RBFOX1: variants seen among roughly 807,000 people sequenced by gnomAD.
RBFOX1 encodes the protein RNA binding fox-1 homolog 1, also known as RNA binding protein fox-1 homolog 1.
RBFOX1 carries 8 observed loss-of-function variants against 57.7 expected under a neutral mutation model. The ratio of observed to expected loss-of-function variants is 0.14; its 90% CI spans 0.08 to 0.25. RBFOX1 has a LOEUF of 0.25. RBFOX1 is among the 10% of genes least tolerant of loss of function. RBFOX1 has a pLI of 1.00. For synonymous variants in RBFOX1, 326 were observed against 222.4 expected, an observed-to-expected ratio of 1.47 and a Z score of -4.15; for missense variants, 611 against 548.5, an observed-to-expected ratio of 1.11 and a Z score of -1.14.
intron 2 of RBFOX1, among the ~76,000 whole-genome samples, chr16:6,376,640 C>T (rs1191228415): frequency 6.6e-6 from 1 of 152,300 alleles, no homozygotes; most frequent in East Asian, 1.9e-4. Flanking sequence ...GTGAAACCAG[C>T]AGTCCTTGGT....
At chr16:6,599,722 C>T (rs1192940691) in intron 2 of RBFOX1, among the ~76,000 whole-genome samples, 1 of 152,302 alleles carries the variant, frequency 6.6e-6, no homozygotes, top group African/African-American at 2.4e-5. Flanking sequence ...CTCTGTTTCC[C>T]ATCCCAGTGC....
At chr16:6,731,049 A>G (rs1467067678) in intron 3 of RBFOX1, among the ~76,000 whole-genome samples, 1 of 152,198 alleles carries the variant, frequency 6.6e-6, no homozygotes, top group Non-Finnish European at 1.5e-5. Flanking sequence ...ATCAGAAGCC[A>G]GATTATAAAT....
At chr16:5,380,623 T>C (rs187465038) in intron 1 of RBFOX1, among the ~76,000 whole-genome samples, 1 of 152,174 alleles carries the variant, frequency 6.6e-6, no homozygotes, top group Non-Finnish European at 1.5e-5. Context: ...GAGCTAAGCA[T>C]TTTTTAGGCA....
rs1256816855 is a variant in RBFOX1 at position 5,790,753 on chromosome 16, T to C, written c.319-76550T>C. ...AATGCCTGGTGCTGGGTGCGTGCTC[T>C]GCATCACTTCGTCTTCCTCATTTGG... On this transcript the variant is annotated intron_variant, in intron 3 of 19. Transcript: ENST00000641259. Among the ~76,000 whole-genome samples, 6 of 152,198 alleles carry C rather than the reference T, an allele frequency of 3.9e-5. No individual in the cohort carries two copies. In the East Asian group the frequency reaches 1.2e-3, roughly 29 times the overall value.
chr16:7,060,988 T>C (rs1351962225), intron 4 of RBFOX1, among the ~76,000 whole-genome samples: 3 of 151,998 alleles, frequency 2.0e-5, no homozygotes, highest in Non-Finnish European at 4.4e-5. Context: ...AGGCCTGAGA[T>C]CTTCATGGTT....
At chr16:6,183,761 G>GT (rs1209644200) in intron 1 of RBFOX1, among the ~76,000 whole-genome samples, 1 of 151,950 alleles carries the variant, frequency 6.6e-6, no homozygotes, top group African/African-American at 2.4e-5. Flanking sequence ...GGAGCCTGGG[G>GT]TAGGGGAGAA....
chr16:5,536,752 G>A (rs1026878586), intron 2 of RBFOX1, among the ~76,000 whole-genome samples: 2 of 151,932 alleles, frequency 1.3e-5, no homozygotes, highest in African/African-American at 4.8e-5. Flanking sequence ...GTGGTTGAAT[G>A]AGGGATGTAA....
At chr16:6,958,395 TC>T (rs542566154) in intron 3 of RBFOX1, among the ~76,000 whole-genome samples, 2 of 151,954 alleles carry the variant, frequency 1.3e-5, no homozygotes, top group South Asian at 2.1e-4. Context: ...TCAGCATATT[TC>T]CCCCCCTTTT....
At chr16:7,200,567 T>G (rs2088097490) in intron 4 of RBFOX1, among the ~76,000 whole-genome samples, 1 of 152,162 alleles carries the variant, frequency 6.6e-6, no homozygotes, top group South Asian at 2.1e-4. Context: ...AGGAAAAACA[T>G]TCAAGAAGGA....
chr16:5,645,911 C>T (rs1179401619), intron 3 of RBFOX1, among the ~76,000 whole-genome samples: 1 of 152,246 alleles, frequency 6.6e-6, no homozygotes, highest in African/African-American at 2.4e-5. Flanking sequence ...TCATAGCTCA[C>T]TGCAGCCTCA....
chr16:7,217,642 A>C (rs1031459206), intron 4 of RBFOX1, among the ~76,000 whole-genome samples: 2 of 152,034 alleles, frequency 1.3e-5, no homozygotes, highest in South Asian at 2.1e-4. Flanking sequence ...AAAGGAAAAA[A>C]AAATGTCAGT....
intron 14 of RBFOX1, among the ~76,000 whole-genome samples, chr16:7,698,830 T>TA (rs1395552109): frequency 1.3e-5 from 2 of 152,190 alleles, no homozygotes; most frequent in African/African-American, 4.8e-5. Flanking sequence ...CTTCTGTATA[T>TA]GAGGCATAGT....
chr16:6,399,664 A>AT (rs2092989499), intron 2 of RBFOX1, among the ~76,000 whole-genome samples: 2 of 152,126 alleles, frequency 1.3e-5, no homozygotes, highest in South Asian at 4.1e-4. Context: ...TCACTTCCAC[A>AT]TTTTTGGGTA....
At chr16:6,049,644 T>C (rs1164782334) in intron 1 of RBFOX1, among the ~76,000 whole-genome samples, 9 of 152,228 alleles carry the variant, frequency 5.9e-5, no homozygotes, top group Admixed American at 5.2e-4. Context: ...TAAATAGTGG[T>C]TTAATTTTCC....
chr16:6,983,559 A>G (rs2089510988), intron 3 of RBFOX1: 1 of 152,132 alleles, frequency 6.6e-6, no homozygotes, highest in African/African-American at 2.4e-5. Context: ...GGTGGTGTGA[A>G]CATGTTTCTA....
In RBFOX1 at chr16:5,739,952, G is replaced by C. The variant is rs117504874; in HGVS notation, c.319-127351G>C. Among the ~76,000 whole-genome samples the C allele has an allele frequency of 3.5e-4, 53 of 152,328 alleles. 1 individual carries two copies. In the East Asian group the frequency reaches 7.7e-3, roughly 22 times the overall value. ...CCACAGCTAGAGACAGAGGAGGTGG[G>C]GTGAGGCTGGGTTGCTGAGGAGCCC... On this transcript the variant is annotated intron_variant, in intron 3 of 19. Transcript: ENST00000641259.
chr16:5,375,810 G>C (rs1452744548), intron 1 of RBFOX1, among the ~76,000 whole-genome samples: 7 of 152,164 alleles, frequency 4.6e-5, no homozygotes, highest in Non-Finnish European at 1.0e-4. Context: ...ATATACTGTT[G>C]TTAAACTAAC....
chr16:6,977,854 A>T (rs572164383), intron 3 of RBFOX1, among the ~76,000 whole-genome samples: 2 of 150,750 alleles, frequency 1.3e-5, no homozygotes, highest in East Asian at 3.9e-4. Context: ...CTGCTTCCCA[A>T]TCTGGTCTGA....
intron 3 of RBFOX1, among the ~76,000 whole-genome samples, chr16:6,757,690 A>G (rs2076021033): frequency 6.6e-6 from 1 of 152,128 alleles, no homozygotes; most frequent in African/African-American, 2.4e-5. Context: ...AATAAGTACA[A>G]ACATATGGTT....
Sources: allele counts gnomAD v4.1 joint callset (sites outside exome capture counted in the v4.1 genomes callset), GRCh38; gene constraint gnomAD v4.1.1; transcripts MANE v1.5; gene names NCBI Gene and HGNC (gene_info 2026-07-23, HGNC 2026-07-21).